NCKAP5L: variants seen among roughly 807,000 people sequenced by gnomAD.
NCKAP5L encodes NCK associated protein 5 like.
In NCKAP5L, 54 loss-of-function variants were observed where a neutral mutation model predicts 103.2. The ratio of observed to expected loss-of-function variants is 0.52; its 90% CI spans 0.42 to 0.66. The LOEUF (loss-of-function observed/expected upper bound fraction) is 0.66. NCKAP5L is among the 30% of genes least tolerant of loss of function. The probability of loss-of-function intolerance (pLI) is 0.00; values close to 1 mark genes in which losing one functional copy is unlikely to be tolerated. For synonymous variants in NCKAP5L, 762 were observed against 748.6 expected (o/e 1.02, Z -0.29); for missense variants, 1,733 against 1,750.6 (o/e 0.99, Z 0.18).
intron 1 of NCKAP5L, among the ~76,000 whole-genome samples, chr12:49,825,285 T>C (rs191955329): frequency 7.2e-4 from 109 of 152,330 alleles, no homozygotes; most frequent in African/African-American, 2.5e-3. Context: ...AGTCCATTAA[T>C]GCAGCCAGAC....
At chr12:49,815,225 G>C (rs1946283874) in intron 1 of NCKAP5L, among the ~76,000 whole-genome samples, 1 of 152,112 alleles carries the variant, frequency 6.6e-6, no homozygotes, top group South Asian at 2.1e-4. Flanking sequence ...TTTTCACCCA[G>C]CAATTTTTTT....
intron 1 of NCKAP5L, among the ~76,000 whole-genome samples, chr12:49,818,991 G>A (rs1042590765): frequency 7.0e-6 from 1 of 142,500 alleles, no homozygotes; most frequent in Non-Finnish European, 1.5e-5. Flanking sequence ...GAGGTCAGGA[G>A]TTCAAGACCA....
chr12:49,794,892 T>C lies in NCKAP5L; in HGVS notation c.2968A>G (p.Ser990Gly). The part of the protein sequence containing the change: ...RALEEEKAYL[S>G]SRARPRPGGP... ...CCAGGCCGTGGCCGGGCCCGGCTGCTTAGGTAGGCCTTCTCCTCTTCCAGT... is the reference window on the plus strand; with the variant it reads ...CCAGGCCGTGGCCGGGCCCGGCTGCCTAGGTAGGCCTTCTCCTCTTCCAGT... Residue 990 changes from serine to glycine, a missense_variant, in exon 8 of 13, where the codon AGC (serine) becomes GGC (glycine). Physicochemically the swap from Ser to Gly is moderately conservative, Grantham distance 56 (BLOSUM62 0). Transcript: ENST00000335999. 1 of 1,514,820 alleles carries C rather than the reference T, an allele frequency of 6.6e-7. No homozygotes were observed. Among genetic ancestry groups the C allele is most frequent in the Non-Finnish European group, 8.8e-7 (1 of 1,131,642 alleles). The allele number at this position is 1,514,820 out of a possible 1,614,324, so 93.8% of individuals were successfully genotyped here. A position where few individuals can be genotyped will look rare whatever the true frequency, so the allele number is the denominator to read the frequency against.
chr12:49,814,017 T>G (rs997536645), intron 1 of NCKAP5L, among the ~76,000 whole-genome samples: 1 of 152,048 alleles, frequency 6.6e-6, no homozygotes, highest in African/African-American at 2.4e-5. Context: ...CTTGCCATAC[T>G]GCCCAGGCTG....
chr12:49,792,262 G>C lies in NCKAP5L; in HGVS notation c.3792+184C>G. Reference sequence around the variant, plus strand: ...GGGAGGGACAGAAACCTTTCCCCACGAGAGAAGTGCAAGGAGGGCAGTGGG... The same window carrying C: ...GGGAGGGACAGAAACCTTTCCCCACCAGAGAAGTGCAAGGAGGGCAGTGGG... On this transcript the variant is annotated intron_variant, in intron 12 of 12. Transcript: ENST00000335999. This position sits in a 1 kb window ranked among gnomAD's most constrained non-coding sequence, Gnocchi z 4.5. The C allele has an allele frequency of 7.9e-7, 1 of 1,267,820 alleles. No homozygotes were observed. The allele number at this position is 1,267,820 out of a possible 1,614,324, so 78.5% of individuals were successfully genotyped here. A position where few individuals can be genotyped will look rare whatever the true frequency, so the allele number is the denominator to read the frequency against.
chr12:49,819,411 A>C (rs536902724), intron 1 of NCKAP5L, among the ~76,000 whole-genome samples: 86 of 152,346 alleles, frequency 5.6e-4, no homozygotes, highest in African/African-American at 2.1e-3. Flanking sequence ...TGTAGTCAAG[A>C]TATGGAACCA....
chr12:49,807,745 C>A (rs1212879206), intron 1 of NCKAP5L, among the ~76,000 whole-genome samples: 1 of 152,228 alleles, frequency 6.6e-6, no homozygotes, highest in Non-Finnish European at 1.5e-5. Context: ...CCCTCACCCA[C>A]AACTCTGGTC....
chr12:49,799,065 C>A (rs1479568063), intron 6 of NCKAP5L, among the ~76,000 whole-genome samples: 1 of 152,020 alleles, frequency 6.6e-6, no homozygotes, highest in Non-Finnish European at 1.5e-5. Flanking sequence ...TTAACTCCTC[C>A]CTCTCCCTCA....
chr12:49,798,061 G>A (rs536514050), intron 7 of NCKAP5L, among the ~76,000 whole-genome samples: 60 of 152,306 alleles, frequency 3.9e-4, no homozygotes, highest in African/African-American at 1.4e-3. Context: ...TGTAAAATGG[G>A]ATGATTATTA....
At position 49,792,343 on chromosome 12, in the gene NCKAP5L, G is replaced by C; in HGVS notation, c.3792+103C>G. On this transcript the variant is annotated intron_variant, in intron 12 of 12. Coordinates refer to ENST00000335999, the MANE Select transcript of NCKAP5L (RefSeq NM_001037806.4). The surrounding 1 kb of genome is among the most constrained non-coding windows in gnomAD (Gnocchi z 4.5). ...CTCCTCCCAGAGGGTGCAGCACTGAGACTGTGCGACACACAGGCCGTACCT... is the reference window on the plus strand; with the variant it reads ...CTCCTCCCAGAGGGTGCAGCACTGACACTGTGCGACACACAGGCCGTACCT... 6.4e-7 allele frequency: 1 copy of C among 1,552,104 alleles called. No individual in the cohort carries two copies. Among genetic ancestry groups the C allele is most frequent in the Non-Finnish European group, 8.7e-7 (1 of 1,148,946 alleles).
intron 1 of NCKAP5L, among the ~76,000 whole-genome samples, chr12:49,814,818 AG>A (rs1370746626): frequency 6.6e-6 from 1 of 152,240 alleles, no homozygotes; most frequent in Admixed American, 6.5e-5. Flanking sequence ...AGGATTCCAC[AG>A]GGTACTTGGT....
In NCKAP5L at chr12:49,826,583, T is replaced by C. The variant is rs1592766106; in HGVS notation, c.-99+1739A>G. Among the ~76,000 whole-genome samples the C allele has an allele frequency of 2.0e-5, 3 of 152,218 alleles. No individual in the cohort carries two copies. The South Asian group carries it at 6.2e-4, about 31-fold the overall frequency. ...TCTGCCAGAGGACCTTTCTCCCCTA[T>C]AGATTCACCCATCAGTGGAACCATT... is the stretch of plus-strand genomic sequence containing the variant. On this transcript the variant is annotated intron_variant, in intron 1 of 12. Transcript: ENST00000335999.
At chr12:49,804,212 C>T (rs1284585551) in intron 2 of NCKAP5L, 132 bp from the exon 3 acceptor site, 1 of 770,152 alleles carries the variant, frequency 1.3e-6, no homozygotes, top group Non-Finnish European at 2.0e-6. Flanking sequence ...TGGGTATCTC[C>T]TGGTCACGGT....
At chr12:49,808,238 G>A (rs138020727) in intron 1 of NCKAP5L, among the ~76,000 whole-genome samples, 1 of 152,296 alleles carries the variant, frequency 6.6e-6, no homozygotes, top group African/African-American at 2.4e-5. Flanking sequence ...GAGACCCTCC[G>A]ATTTATGAGC....
rs548626546 is a variant in NCKAP5L at position 49,803,737 on chromosome 12, G to A, written c.123+185C>T. Among the ~76,000 whole-genome samples the A allele has an allele frequency of 1.3e-3, 193 of 152,322 alleles. 1 individual carries two copies. The highest frequency in any genetic ancestry group is 4.2e-3 in the African/African-American group (174 of 41,570). On this transcript the variant is annotated intron_variant, in intron 3 of 12. Transcript: ENST00000335999. ...CCGTCACTGGGCCGGGCAGCTAAGAGCAAGGAAAGGGCTTCTCAGAGGAGC... is the reference window on the plus strand; with the variant it reads ...CCGTCACTGGGCCGGGCAGCTAAGAACAAGGAAAGGGCTTCTCAGAGGAGC...
chr12:49,813,614 A>AC (rs1946264756), intron 1 of NCKAP5L, among the ~76,000 whole-genome samples: 1 of 151,824 alleles, frequency 6.6e-6, no homozygotes, highest in African/African-American at 2.4e-5. Context: ...TGCCGCCTCC[A>AC]CCTCCTGGGT....
In NCKAP5L at chr12:49,804,065, G is replaced by C; in HGVS notation, c.-21C>G. ...GACATCTGGCCCTGGGAACAAGGAA[G>C]AGAAGCCCCGGCAGGCTACTCCAGG... On this transcript the variant is annotated 5_prime_UTR_variant, in exon 3 of 13. Transcript: ENST00000335999. 2 of 1,606,610 alleles carry C rather than the reference G, an allele frequency of 1.2e-6. No individual in the cohort carries two copies. Among genetic ancestry groups the C allele is most frequent in the Middle Eastern group, 3.3e-4 (2 of 6,026 alleles).
intron 1 of NCKAP5L, among the ~76,000 whole-genome samples, 158 bp downstream of exon 1, chr12:49,828,164 G>A (rs1946443503): frequency 6.6e-6 from 1 of 151,650 alleles, no homozygotes; most frequent in Non-Finnish European, 1.5e-5. Flanking sequence ...GGACGGAGGG[G>A]CGGGCAGCAG....
Position 49,791,640 on chromosome 12 carries a change from C to T in NCKAP5L, c.*199G>A. 1.9e-6 allele frequency: 1 copy of T among 531,454 alleles called. No homozygotes were observed. 32.9% of individuals were successfully genotyped at this position (531,454 alleles called of 1,614,324 possible). ...AGAAGGGACCAAGGGCGGGGTCTCT[C>T]CCTGAGCTGAGCACGGTCATCTCAT... On this transcript the variant is annotated 3_prime_UTR_variant, in exon 13 of 13. Transcript: ENST00000335999.
Sources: allele counts gnomAD v4.1 joint callset (sites outside exome capture counted in the v4.1 genomes callset), GRCh38; gene constraint gnomAD v4.1.1; non-coding constraint Gnocchi (gnomAD v3.1); transcripts MANE v1.5; gene names NCBI Gene and HGNC (gene_info 2026-07-23, HGNC 2026-07-21).